The following ANKRD11 variants were observed in gnomAD, a reference collection of about 807,000 sequenced individuals.
ANKRD11 encodes ankyrin repeat domain 11, also known as ankyrin repeat domain-containing protein 11.
In ANKRD11, 17 loss-of-function variants were observed where a neutral mutation model predicts 195.7. The observed-to-expected ratio is 0.09, with a 90% CI of 0.06 to 0.13. The LOEUF is 0.13. Ranked by LOEUF, ANKRD11 falls within the 10% of genes least tolerant of loss-of-function variation. The pLI is 1.00. For missense variants in ANKRD11, 3,735 were observed against 3,566.1 expected (o/e 1.05, Z -1.21); for synonymous variants, 1,953 against 1,528.1 (o/e 1.28, Z -6.49).
chr16:89,271,216 C>T, intron 11 of ANKRD11: 1 of 463,992 alleles, frequency 2.2e-6, no homozygotes, highest in Non-Finnish European at 4.0e-6. Context: ...GAGCTCAGCC[C>T]ACTGCCAACT....
chr16:89,489,915 C>T (rs1226852428), intron 1 of ANKRD11, among the ~76,000 whole-genome samples: 2 of 149,100 alleles, frequency 1.3e-5, no homozygotes, highest in East Asian at 4.0e-4. Context: ...GCCCGGAGCC[C>T]CCGTCCGCCC....
chr16:89,474,851 T>G (rs1203040128), intron 1 of ANKRD11, among the ~76,000 whole-genome samples: 2 of 152,236 alleles, frequency 1.3e-5, no homozygotes, highest in Non-Finnish European at 2.9e-5. Context: ...AACTTACACA[T>G]GTATCATCCA....
chr16:89,319,326 G>C lies in ANKRD11; in HGVS notation c.-59-2248C>G, dbSNP rs575742126. 5.9e-4 allele frequency among the ~76,000 whole-genome samples: 90 copies of C among 152,336 alleles called. 3 individuals carry two copies. In the South Asian group the frequency reaches 0.018, roughly 30 times the overall value. ...GTCCCTAGCTTGGTGCTTTGCCCAGGCACCTTCCCCAATGGACCAGGGATC... is the reference window on the plus strand; with the variant it reads ...GTCCCTAGCTTGGTGCTTTGCCCAGCCACCTTCCCCAATGGACCAGGGATC... On this transcript the variant is annotated intron_variant, in intron 2 of 12. Transcript: ENST00000301030.
intron 1 of ANKRD11, among the ~76,000 whole-genome samples, chr16:89,441,191 G>A (rs1000983728): frequency 1.3e-5 from 2 of 151,776 alleles, no homozygotes; most frequent in African/African-American, 4.8e-5. Context: ...AGCCAGGATC[G>A]AGCCACTGCA....
At chr16:89,456,902 C>T (rs576162616) in intron 1 of ANKRD11, among the ~76,000 whole-genome samples, 1 of 151,234 alleles carries the variant, frequency 6.6e-6, no homozygotes, top group South Asian at 2.1e-4. Context: ...TGCTACAGGC[C>T]ATGGAATTGT....
Position 89,281,508 on chromosome 16 carries a change from G to A in ANKRD11, c.5034C>T (p.Asp1678=), listed in dbSNP as rs755812080. ...CTTTCATGTGAGGGCCTGCCAGCCA[G>A]TCTTTGGAGTCTGCACCTGATGCTG... ...LHPASGADSK[D]WLAGPHMKEV... Residue 1678 remains aspartate, a synonymous_variant, in exon 9 of 13, where the codon GAC becomes GAT. Coordinates refer to ENST00000301030, the MANE Select transcript of ANKRD11 (RefSeq NM_013275.6). This position sits in a 1 kb window ranked among gnomAD's most constrained non-coding sequence, Gnocchi z 5.5. The A allele has an allele frequency of 6.2e-7, 1 of 1,614,118 alleles. No homozygotes were observed. The highest frequency in any genetic ancestry group is 8.5e-7 in the Non-Finnish European group (1 of 1,180,058).
intron 1 of ANKRD11, among the ~76,000 whole-genome samples, chr16:89,449,800 A>C (rs1002662021): frequency 2.6e-5 from 4 of 152,182 alleles, no homozygotes; most frequent in African/African-American, 9.7e-5. Flanking sequence ...TCTCAAAAAA[A>C]AGAAAAGTGT....
rs1348014655 is a variant in ANKRD11 at position 89,490,515 on chromosome 16, C to G, written c.-415G>C. On this transcript the variant is annotated 5_prime_UTR_variant, in exon 1 of 13. Transcript: ENST00000301030. ...CCGCGGGCTCGGCGGCGGCGCCTCCCCGGCTGGGGCCCTCGGTCCATCGCG... is the reference window on the plus strand; with the variant it reads ...CCGCGGGCTCGGCGGCGGCGCCTCCGCGGCTGGGGCCCTCGGTCCATCGCG... The G allele has an allele frequency of 8.5e-6, 4 of 471,038 alleles. No individual in the cohort carries two copies. Among genetic ancestry groups the G allele is most frequent in the Non-Finnish European group, 1.5e-5 (4 of 262,264 alleles). The allele number at this position is 471,038 out of a possible 1,614,324, so 29.2% of individuals were successfully genotyped here.
At chr16:89,488,933 G>C (rs77923489) in intron 1 of ANKRD11, 2,590 of 152,288 alleles carry the variant, frequency 0.017, 50 homozygotes, top group African/African-American at 0.043. Context: ...TCCTAAGCAT[G>C]TTACATAGAA....
At position 89,286,357 on chromosome 16, in the gene ANKRD11, G is replaced by C. The variant is rs1387019841; in HGVS notation, c.745-171C>G. ...CCCAGGGACTGCCTGGCGAGGCTCTGGGTGTGGTGGGCGAGGCTGTGGCTC... is the reference window on the plus strand; with the variant it reads ...CCCAGGGACTGCCTGGCGAGGCTCTCGGTGTGGTGGGCGAGGCTGTGGCTC... On this transcript the variant is annotated intron_variant, in intron 7 of 12. Transcript: ENST00000301030. 7.4e-6 allele frequency: 7 copies of C among 948,246 alleles called. No homozygotes were observed. In the East Asian group the frequency reaches 1.0e-4, roughly 14 times the overall value. 58.7% of individuals were successfully genotyped at this position (948,246 alleles called of 1,614,324 possible).
intron 1 of ANKRD11, among the ~76,000 whole-genome samples, chr16:89,431,591 T>C (rs2152271142): frequency 1.3e-5 from 2 of 152,312 alleles, no homozygotes; most frequent in South Asian, 4.1e-4. Flanking sequence ...CATTCCCGGT[T>C]TCTCTTGTGA....
chr16:89,440,770 G>C lies in ANKRD11; in HGVS notation c.-144-22402C>G, dbSNP rs75472887. ...AGGCACCACCCAGCAAGGGGCTACA[G>C]AAAGGGGGCCACCTGCCTCCAAGCC... On this transcript the variant is annotated intron_variant, in intron 1 of 12. Coordinates refer to ENST00000301030, the MANE Select transcript of ANKRD11 (RefSeq NM_013275.6). Among the ~76,000 whole-genome samples, 74 of 152,336 alleles carry C rather than the reference G, an allele frequency of 4.9e-4. No individual in the cohort carries two copies. The East Asian group carries it at 9.6e-3, about 20-fold the overall frequency.
At chr16:89,288,451 G>C in intron 7 of ANKRD11, 77 bp downstream of exon 7, 2 of 1,606,728 alleles carry the variant, frequency 1.2e-6, no homozygotes, top group South Asian at 1.1e-5. Flanking sequence ...GAACCGGCTA[G>C]CTACGGGGAA....
intron 2 of ANKRD11, among the ~76,000 whole-genome samples, chr16:89,369,042 C>G (rs528094722): frequency 9.2e-5 from 14 of 152,246 alleles, no homozygotes; most frequent in African/African-American, 3.4e-4. Context: ...AGACCCCCCA[C>G]TGGCACCCAT....
chr16:89,294,232 C>T (rs761350051), intron 4 of ANKRD11, among the ~76,000 whole-genome samples: 1 of 152,172 alleles, frequency 6.6e-6, no homozygotes, highest in Admixed American at 6.5e-5. Flanking sequence ...CCCAGCAATT[C>T]GCATGGAAGG....
intron 2 of ANKRD11, among the ~76,000 whole-genome samples, chr16:89,349,718 C>T (rs1002507621): frequency 6.6e-6 from 1 of 152,100 alleles, no homozygotes; most frequent in African/African-American, 2.4e-5. Flanking sequence ...CTCTACGATG[C>T]TGGCTTAGAG....
intron 2 of ANKRD11, among the ~76,000 whole-genome samples, chr16:89,339,573 ATATTT>A (rs1216426138): frequency 6.6e-6 from 1 of 152,222 alleles, no homozygotes; most frequent in African/African-American, 2.4e-5. Context: ...ATGGGTTATT[ATATTT>A]TATAATTTCT....
At chr16:89,466,991 G>T (rs1280424657) in intron 1 of ANKRD11, among the ~76,000 whole-genome samples, 1 of 152,210 alleles carries the variant, frequency 6.6e-6, no homozygotes, top group Non-Finnish European at 1.5e-5. Flanking sequence ...ACTCTGGTGT[G>T]ATCTGAAAGG....
chr16:89,347,806 C>G lies in ANKRD11; in HGVS notation c.-59-30728G>C, dbSNP rs116274721. ...TAGGCATCTCCAACATTAGGAAAAA[C>G]ATATTCAGTTTTTCACCAGTAAGAA... On this transcript the variant is annotated intron_variant, in intron 2 of 12. Transcript: ENST00000301030. Among the ~76,000 whole-genome samples the G allele has an allele frequency of 4.8e-3, 731 of 152,216 alleles. 8 individuals carry two copies. The highest frequency in any genetic ancestry group is 0.017 in the African/African-American group (690 of 41,508).
Sources: gnomAD v4.1 joint callset for allele counts (sites outside exome capture counted in the v4.1 genomes callset) on GRCh38, gnomAD v4.1.1 for gene constraint, Gnocchi (gnomAD v3.1) non-coding constraint, MANE v1.5 for transcripts, NCBI Gene and HGNC (gene_info 2026-07-23, HGNC 2026-07-21) for gene names.